The following ABHD2 variants were observed in gnomAD, a reference collection of about 807,000 sequenced individuals.
The protein encoded by ABHD2 is monoacylglycerol lipase ABHD2.
ABHD2 carries 20 observed loss-of-function variants against 48.1 expected under a neutral mutation model. That is an observed-to-expected ratio of 0.42 (90% CI 0.29 to 0.60). The LOEUF is 0.60. Ranked by LOEUF, ABHD2 falls within the 20% of genes least tolerant of loss-of-function variation. The pLI, the probability that ABHD2 is intolerant of heterozygous loss-of-function variation, is 0.24. For synonymous variants in ABHD2, 209 were observed against 214.2 expected, an observed-to-expected ratio of 0.98 and a Z score of 0.21; for missense variants, 405 against 550.9, an observed-to-expected ratio of 0.74 and a Z score of 2.65.
rs2051073502 is a variant in ABHD2, at chr15:89,179,531, T to G, written c.722+3536T>G. Among the ~76,000 whole-genome samples the G allele has an allele frequency of 6.6e-6, 1 of 152,214 alleles. No homozygotes were observed. Among genetic ancestry groups the G allele is most frequent in the Admixed American group, 6.5e-5 (1 of 15,282 alleles). ...ATCACCCCCAGATGGGACTGTCTAG[T>G]TGCAGGAAAATAAGCTCAGGGATCT... On this transcript the variant is annotated intron_variant, in intron 6 of 10. Coordinates refer to ENST00000352732, the MANE Select transcript of ABHD2 (RefSeq NM_152924.5). This position sits in a 1 kb window ranked among gnomAD's most constrained non-coding sequence, Gnocchi z 4.3.
In ABHD2 at chr15:89,116,789, T is replaced by C. The variant is rs996636469; in HGVS notation, c.194+268T>C. 6.6e-6 allele frequency among the ~76,000 whole-genome samples: 1 copy of C among 152,202 alleles called. No homozygotes were observed. Among genetic ancestry groups the C allele is most frequent in the African/African-American group, 2.4e-5 (1 of 41,452 alleles). ...GGGACTTTGCAGAAAATAGTAGTCATTTTTAGGCAGATATGGAAAAGTTGG... is the reference window on the plus strand; with the variant it reads ...GGGACTTTGCAGAAAATAGTAGTCACTTTTAGGCAGATATGGAAAAGTTGG... On this transcript the variant is annotated intron_variant, in intron 3 of 10. Coordinates refer to ENST00000352732, the MANE Select transcript of ABHD2 (RefSeq NM_152924.5). The surrounding 1 kb of genome is among the most constrained non-coding windows in gnomAD (Gnocchi z 4.6).
Position 89,106,993 on chromosome 15 carries a change from TCTC to T in ABHD2, c.-106-6729_-106-6727del, listed in dbSNP as rs967614357. 6.6e-6 allele frequency among the ~76,000 whole-genome samples: 1 copy of T among 152,156 alleles called. No homozygotes were observed. Among genetic ancestry groups the T allele is most frequent in the African/African-American group, 2.4e-5 (1 of 41,442 alleles). On this transcript the variant is annotated intron_variant, in intron 1 of 10. Coordinates refer to ENST00000352732, the MANE Select transcript of ABHD2 (RefSeq NM_152924.5). This position sits in a 1 kb window ranked among gnomAD's most constrained non-coding sequence, Gnocchi z 4.2. ...GTGTGCTGTGGCCTTCTGCTGTCCT[TCTC>T]CTGACATCCTCACAGGGTACTTTGG... is the stretch of plus-strand genomic sequence containing the variant.
chr15:89,064,755 G>C, the ABHD2 span, among the ~76,000 whole-genome samples: 1 of 151,900 alleles, frequency 6.6e-6, no homozygotes, highest in Admixed American at 6.6e-5. Context: ...TTGCTTAATA[G>C]ACTTTTCAGT....
At chr15:89,107,686 G>T (rs1187424633) in intron 1 of ABHD2, among the ~76,000 whole-genome samples, 2 of 152,186 alleles carry the variant, frequency 1.3e-5, no homozygotes, top group Admixed American at 1.3e-4. Context: ...GCTGGATTTG[G>T]CACTGGCTGT....
At chr15:89,141,523 C>G (rs969426597) in intron 3 of ABHD2, among the ~76,000 whole-genome samples, 1 of 152,146 alleles carries the variant, frequency 6.6e-6, no homozygotes. Flanking sequence ...ACCCCAGCTA[C>G]CCAGGAGGCT....
chr15:89,054,627 C>T, the ABHD2 span, among the ~76,000 whole-genome samples: 1 of 151,868 alleles, frequency 6.6e-6, no homozygotes, highest in East Asian at 1.9e-4. Context: ...ATGCAGTGAG[C>T]CGAGGTTGTG....
the ABHD2 span, among the ~76,000 whole-genome samples, chr15:89,061,922 A>AT: frequency 1.3e-5 from 2 of 152,196 alleles, no homozygotes; most frequent in East Asian, 3.8e-4. Context: ...AAACATATTA[A>AT]TAGCTGCCTA....
At chr15:89,063,220 A>C in the ABHD2 span, among the ~76,000 whole-genome samples, 1 of 152,092 alleles carries the variant, frequency 6.6e-6, no homozygotes, top group Non-Finnish European at 1.5e-5. Context: ...CCCCTGCCTC[A>C]GCCTCCTAAA....
chr15:89,092,961 G>T lies in ABHD2; in HGVS notation c.-107+4398G>T, dbSNP rs189466128. Among the ~76,000 whole-genome samples, 3 of 152,080 alleles carry T rather than the reference G, an allele frequency of 2.0e-5. No individual in the cohort carries two copies. Among genetic ancestry groups the T allele is most frequent in the Admixed American group, 6.5e-5 (1 of 15,268 alleles). On this transcript the variant is annotated intron_variant, in intron 1 of 10. Coordinates refer to ENST00000352732, the MANE Select transcript of ABHD2 (RefSeq NM_152924.5). The surrounding 1 kb of genome is among the most constrained non-coding windows in gnomAD (Gnocchi z 4.4). ...ATATTTTTCTTTTCTGTGAGAGCCC[G>T]GGGGAGGTGCAGGGGAGCTTCTAAA...
rs1006189750 is a variant in ABHD2 at position 89,179,322 on chromosome 15, C to A, written c.722+3327C>A. Among the ~76,000 whole-genome samples the A allele has an allele frequency of 6.6e-6, 1 of 152,164 alleles. No homozygotes were observed. Among genetic ancestry groups the A allele is most frequent in the Non-Finnish European group, 1.5e-5 (1 of 68,036 alleles). On this transcript the variant is annotated intron_variant, in intron 6 of 10. Transcript: ENST00000352732. The surrounding 1 kb of genome is among the most constrained non-coding windows in gnomAD (Gnocchi z 4.3). ...AAGCAGTAGGGAAGCAGTGGGTGAA[C>A]CTTCATCTGTATTTAGTCTCATTCC...
Position 89,092,960 on chromosome 15 carries a change from C to T in ABHD2, c.-107+4397C>T, listed in dbSNP as rs184748030. ...AATATTTTTCTTTTCTGTGAGAGCC[C>T]GGGGGAGGTGCAGGGGAGCTTCTAA... On this transcript the variant is annotated intron_variant, in intron 1 of 10. Coordinates refer to ENST00000352732, the MANE Select transcript of ABHD2 (RefSeq NM_152924.5). The surrounding 1 kb of genome is among the most constrained non-coding windows in gnomAD (Gnocchi z 4.4). Among the ~76,000 whole-genome samples, 365 of 152,078 alleles carry T rather than the reference C, an allele frequency of 2.4e-3. 2 individuals are homozygous for T. The highest frequency in any genetic ancestry group is 8.3e-3 in the African/African-American group (342 of 41,450).
chr15:89,165,305 T>TAA (rs539993035), intron 5 of ABHD2, among the ~76,000 whole-genome samples: 157 of 151,808 alleles, frequency 1.0e-3, no homozygotes, highest in African/African-American at 3.7e-3. Context: ...TTTTTTTTTT[T>TAA]AAAAAAATTC....
the ABHD2 span, among the ~76,000 whole-genome samples, chr15:89,067,718 C>T: frequency 6.6e-6 from 1 of 152,196 alleles, no homozygotes; most frequent in Non-Finnish European, 1.5e-5. Flanking sequence ...TCTGTGAGAC[C>T]TGGCTGGAGT....
chr15:89,107,964 A>T (rs1733860606), intron 1 of ABHD2, among the ~76,000 whole-genome samples: 1 of 152,218 alleles, frequency 6.6e-6, no homozygotes, highest in African/African-American at 2.4e-5. Flanking sequence ...TGAATCACAG[A>T]GGCAAAGAAG....
chr15:89,172,692 C>T (rs1030738667), intron 5 of ABHD2, among the ~76,000 whole-genome samples: 4 of 152,222 alleles, frequency 2.6e-5, no homozygotes, highest in Admixed American at 2.6e-4. Flanking sequence ...TTATGTATAT[C>T]ACTTTATTCA....
At chr15:89,129,973 A>C (rs1327794829) in intron 3 of ABHD2, among the ~76,000 whole-genome samples, 1 of 152,358 alleles carries the variant, frequency 6.6e-6, no homozygotes, top group East Asian at 1.9e-4. Context: ...CCTGAATGTC[A>C]GTAGGACATC....
At position 89,201,674 on chromosome 15, in the gene ABHD2, C is replaced by A. The variant is rs778678483; in HGVS notation, c.*6251C>A. 1.1e-4 allele frequency: 170 copies of A among 1,608,364 alleles called. No individual in the cohort carries two copies. The highest frequency in any genetic ancestry group is 1.4e-4 in the Non-Finnish European group (159 of 1,174,848). On this transcript the variant is annotated 3_prime_UTR_variant, in exon 11 of 11. Transcript: ENST00000352732. ...TCACTTTGAAACACACTTTTCTATCCGATGGATTTCGCAATTTAAGATTTG... is the reference window on the plus strand; with the variant it reads ...TCACTTTGAAACACACTTTTCTATCAGATGGATTTCGCAATTTAAGATTTG...
chr15:89,166,644 C>A lies in ABHD2; in HGVS notation c.539-9168C>A, dbSNP rs1425033220. Among the ~76,000 whole-genome samples the A allele has an allele frequency of 6.6e-6, 1 of 151,882 alleles. No individual in the cohort carries two copies. Among genetic ancestry groups the A allele is most frequent in the Non-Finnish European group, 1.5e-5 (1 of 68,000 alleles). On this transcript the variant is annotated intron_variant, in intron 5 of 10. Transcript: ENST00000352732. The surrounding 1 kb of genome is among the most constrained non-coding windows in gnomAD (Gnocchi z 4.6). ...GCTCACACCTTTAATCACAGTGAGACCTCATTTCTACAAAAAATAAAAATA... is the reference window on the plus strand; with the variant it reads ...GCTCACACCTTTAATCACAGTGAGAACTCATTTCTACAAAAAATAAAAATA...
chr15:89,096,958 T>C (rs1426638849), intron 1 of ABHD2, among the ~76,000 whole-genome samples: 2 of 152,250 alleles, frequency 1.3e-5, no homozygotes, highest in African/African-American at 4.8e-5. Flanking sequence ...TTGCAGTAGC[T>C]GGCAGCAGCC....
Sources: gnomAD v4.1 joint callset for allele counts (sites outside exome capture counted in the v4.1 genomes callset) on GRCh38, gnomAD v4.1.1 for gene constraint, Gnocchi (gnomAD v3.1) non-coding constraint, MANE v1.5 for transcripts, NCBI Gene and HGNC (gene_info 2026-07-23, HGNC 2026-07-21) for gene names.